Variants in FBLN7 observed in about 807,000 individuals in gnomAD.
FBLN7 encodes fibulin 7.
In FBLN7, 31 loss-of-function variants were observed where a neutral mutation model predicts 44.0. That is an observed-to-expected ratio of 0.70 (90% CI 0.53 to 0.95). FBLN7 has a LOEUF of 0.95. FBLN7 is among the 40% of genes least tolerant of loss of function. FBLN7 has a pLI of 0.00. For synonymous variants in FBLN7, 262 were observed against 253.4 expected (o/e 1.03, Z -0.32); for missense variants, 573 against 618.5 (o/e 0.93, Z 0.78).
intron 2 of FBLN7, among the ~76,000 whole-genome samples, chr2:112,160,958 C>A (rs1681838550): frequency 6.6e-6 from 1 of 152,174 alleles, no homozygotes; most frequent in Non-Finnish European, 1.5e-5. Flanking sequence ...TCCAGGGAGT[C>A]CCCGTTAGTA....
intron 3 of FBLN7, among the ~76,000 whole-genome samples, chr2:112,174,675 A>T (rs762581331): frequency 4.6e-5 from 7 of 152,220 alleles, no homozygotes; most frequent in African/African-American, 7.2e-5. Context: ...TAACAAGCAC[A>T]TGTGGCCTAT....
chr2:112,237,616 G>A, the FBLN7 span, among the ~76,000 whole-genome samples: 2 of 148,750 alleles, frequency 1.3e-5, no homozygotes, highest in Admixed American at 6.7e-5. Flanking sequence ...TCGCTCTGTT[G>A]TCCAGGTTGG....
the FBLN7 span, among the ~76,000 whole-genome samples, chr2:112,195,573 G>T: frequency 6.6e-6 from 1 of 152,186 alleles, no homozygotes; most frequent in East Asian, 1.9e-4. Flanking sequence ...GCTCCCAGGG[G>T]GTGCCAGACC....
chr2:112,187,454 A>G lies in FBLN7; in HGVS notation c.1268A>G (p.Gln423Arg). Residue 423 changes from glutamine to arginine, a missense_variant, in exon 8 of 8, where the codon CAG (glutamine) becomes CGG (arginine). By Grantham distance (43) the Gln-to-Arg change is conservative. Coordinates refer to ENST00000331203, the MANE Select transcript of FBLN7 (RefSeq NM_153214.3). This position sits in a 1 kb window ranked among gnomAD's most constrained non-coding sequence, Gnocchi z 5.1. ...DMSEYLDRSF[Q>R]ANHVSKVTIF... The stretch of plus-strand genomic sequence containing the variant: ...TCGGAATACCTGGACCGCTCCTTCC[A>G]GGCCAACCACGTGTCCAAGGTCACC... 4 of 1,614,198 alleles carry G rather than the reference A, an allele frequency of 2.5e-6. No homozygotes were observed. In the East Asian group the frequency reaches 8.9e-5, roughly 36 times the overall value.
the FBLN7 span, chr2:112,238,718 C>T: frequency 2.3e-6 from 1 of 435,536 alleles, no homozygotes; most frequent in Non-Finnish European, 4.0e-6. Context: ...GAAAAAATTT[C>T]CAGAATTAAA....
intron 2 of FBLN7, among the ~76,000 whole-genome samples, chr2:112,164,671 G>A (rs1225543967): frequency 6.6e-6 from 1 of 152,232 alleles, no homozygotes; most frequent in East Asian, 1.9e-4. Flanking sequence ...AGGGGGGCTG[G>A]AGCCCCAGAA....
the FBLN7 span, among the ~76,000 whole-genome samples, chr2:112,199,251 A>G: frequency 6.6e-6 from 1 of 152,124 alleles, no homozygotes; most frequent in African/African-American, 2.4e-5. Context: ...CCCTCTTTGC[A>G]TGGTGACAGA....
chr2:112,182,748 G>T, intron 5 of FBLN7, 43 bp from the exon 6 acceptor site: 1 of 1,547,610 alleles, frequency 6.5e-7, no homozygotes. Context: ...GGCAACACTT[G>T]CTGCATGGCT....
intron 2 of FBLN7, 116 bp downstream of exon 2, chr2:112,159,951 T>A (rs1681647211): frequency 6.5e-6 from 5 of 766,500 alleles, no homozygotes; most frequent in Middle Eastern, 4.2e-4. Context: ...TCACCTTCCA[T>A]CTTCCAACTG....
Position 112,187,013 on chromosome 2 carries a change from C to T in FBLN7, c.948-121C>T. 22 of 1,225,614 alleles carry T rather than the reference C, an allele frequency of 1.8e-5. No homozygotes were observed. Among genetic ancestry groups the T allele is most frequent in the Admixed American group, 2.4e-5 (1 of 41,472 alleles). The allele number at this position is 1,225,614 out of a possible 1,614,324, so 75.9% of individuals were successfully genotyped here. Reference sequence around the variant, plus strand: ...GCTCCATAGCTCCTGGGTGAAGGACCCGTGGCTGGGAAAGGTCATCTAGGT... The same window carrying T: ...GCTCCATAGCTCCTGGGTGAAGGACTCGTGGCTGGGAAAGGTCATCTAGGT... On this transcript the variant is annotated intron_variant, in intron 7 of 7. Coordinates refer to ENST00000331203, the MANE Select transcript of FBLN7 (RefSeq NM_153214.3). The surrounding 1 kb of genome is among the most constrained non-coding windows in gnomAD (Gnocchi z 5.1).
the FBLN7 span, among the ~76,000 whole-genome samples, chr2:112,206,184 T>C: frequency 7.2e-5 from 11 of 152,214 alleles, no homozygotes; most frequent in Non-Finnish European, 1.3e-4. Context: ...TATTCTCTTA[T>C]ACCTTTCATT....
chr2:112,166,038 G>A (rs1300636025), intron 3 of FBLN7, among the ~76,000 whole-genome samples: 2 of 152,090 alleles, frequency 1.3e-5, no homozygotes, highest in Non-Finnish European at 2.9e-5. Flanking sequence ...AGAGTAGAGA[G>A]AGGACTTTGT....
chr2:112,215,258 A>C, the FBLN7 span: 1 of 152,304 alleles, frequency 6.6e-6, no homozygotes, highest in African/African-American at 2.4e-5. Flanking sequence ...ATGAGACTTA[A>C]ATAAGAAGTG....
chr2:112,155,974 AC>A (rs755608127), intron 1 of FBLN7, among the ~76,000 whole-genome samples: 1 of 151,852 alleles, frequency 6.6e-6, no homozygotes, highest in Non-Finnish European at 1.5e-5. Context: ...CCCTCCATGT[AC>A]CCGGGGCAGC....
chr2:112,224,731 A>G, the FBLN7 span, among the ~76,000 whole-genome samples: 1 of 152,256 alleles, frequency 6.6e-6, no homozygotes, highest in East Asian at 1.9e-4. Context: ...TGTAGACTAT[A>G]TAATTCTGCT....
the FBLN7 span, among the ~76,000 whole-genome samples, chr2:112,202,848 AC>A: frequency 6.6e-6 from 1 of 151,858 alleles, no homozygotes; most frequent in Non-Finnish European, 1.5e-5. Context: ...CAAAAACTCC[AC>A]CCCCCACTAA....
At position 112,187,947 on chromosome 2, in the gene FBLN7, C is replaced by T. The variant is rs1683353429; in HGVS notation, c.*441C>T. 4.8e-6 allele frequency: 1 copy of T among 209,018 alleles called. No homozygotes were observed. Among genetic ancestry groups the T allele is most frequent in the South Asian group, 1.2e-4 (1 of 8,420 alleles). 12.9% of individuals were successfully genotyped at this position (209,018 alleles called of 1,614,324 possible). A position where few individuals can be genotyped will look rare whatever the true frequency, so the allele number is the denominator to read the frequency against. On this transcript the variant is annotated 3_prime_UTR_variant, in exon 8 of 8. Coordinates refer to ENST00000331203, the MANE Select transcript of FBLN7 (RefSeq NM_153214.3). This position sits in a 1 kb window ranked among gnomAD's most constrained non-coding sequence, Gnocchi z 5.1. ...AGTCGTGCGGGGGGCCCTAGTCATGCCTCTGCGCATGTGGCATAGGAAGTG... is the reference window on the plus strand; with the variant it reads ...AGTCGTGCGGGGGGCCCTAGTCATGTCTCTGCGCATGTGGCATAGGAAGTG...
At chr2:112,169,136 G>T (rs576913583) in intron 3 of FBLN7, among the ~76,000 whole-genome samples, 55 of 152,320 alleles carry the variant, frequency 3.6e-4, no homozygotes, top group Admixed American at 2.9e-3. Context: ...GCTAGGCGTG[G>T]TGGTGGGCAC....
At chr2:112,162,069 G>T (rs547679888) in intron 2 of FBLN7, among the ~76,000 whole-genome samples, 1 of 152,318 alleles carries the variant, frequency 6.6e-6, no homozygotes, top group South Asian at 2.1e-4. Context: ...CACCCAGGCT[G>T]GAGAGCAGTG....
Sources: allele counts gnomAD v4.1 joint callset (sites outside exome capture counted in the v4.1 genomes callset), GRCh38; gene constraint gnomAD v4.1.1; non-coding constraint Gnocchi (gnomAD v3.1); transcripts MANE v1.5; gene names NCBI Gene and HGNC (gene_info 2026-07-23, HGNC 2026-07-21).